The following CCDC158 variants were observed in gnomAD, a reference collection of about 807,000 sequenced individuals.
The protein encoded by CCDC158 is coiled-coil domain containing 158, also known as coiled-coil domain-containing protein 158.
In CCDC158, 116 loss-of-function variants were observed where a neutral mutation model predicts 138.6. That is an observed-to-expected ratio of 0.84 (90% confidence interval 0.72 to 0.98). CCDC158 has a LOEUF of 0.98. Among genes scored for constraint, CCDC158 ranks in the 50% least tolerant of loss-of-function variants. The pLI is 0.00. For missense variants in CCDC158, 1,265 were observed against 1,306.1 expected, an observed-to-expected ratio of 0.97 and a Z score of 0.48; for synonymous variants, 436 against 442.4, an observed-to-expected ratio of 0.99 and a Z score of 0.18.
At chr4:76,368,528 T>C (rs902108887) in intron 11 of CCDC158, among the ~76,000 whole-genome samples, 1 of 152,162 alleles carries the variant, frequency 6.6e-6, no homozygotes, top group African/African-American at 2.4e-5. Flanking sequence ...GCTTACACTT[T>C]TGTGGGATGC....
Position 76,368,435 on chromosome 4 carries a change from A to G in CCDC158, c.1348-659T>C, listed in dbSNP as rs754974704. On this transcript the variant is annotated intron_variant, in intron 11 of 24. Transcript: ENST00000682701. ...GGTCCTTTCATCTTTCTTCTTGCCC[A>G]GGTTAAGCCAGAGAGTAGGTTAATG... Among the ~76,000 whole-genome samples the G allele has an allele frequency of 4.5e-4, 68 of 152,314 alleles. 1 individual carries two copies. The highest frequency in any genetic ancestry group is 7.5e-4 in the Non-Finnish European group (51 of 68,026).
chr4:76,396,734 G>A (rs903987377), intron 3 of CCDC158, among the ~76,000 whole-genome samples: 4 of 151,880 alleles, frequency 2.6e-5, no homozygotes, highest in Admixed American at 1.3e-4. Flanking sequence ...GTGAAACCAT[G>A]GTCTGGTCTC....
At chr4:76,411,015 A>T (rs13435774) in intron 2 of CCDC158, among the ~76,000 whole-genome samples, 4 of 152,210 alleles carry the variant, frequency 2.6e-5, no homozygotes, top group African/African-American at 9.7e-5. Flanking sequence ...ACTCACGTGC[A>T]GGCCTTCCTA....
At chr4:76,322,590 C>T (rs1720126803) in intron 24 of CCDC158, among the ~76,000 whole-genome samples, 1 of 152,064 alleles carries the variant, frequency 6.6e-6, no homozygotes, top group African/African-American at 2.4e-5. Flanking sequence ...TAGTATTTTC[C>T]TTTACCCAGC....
rs1268962101 is a variant in CCDC158, at chr4:76,319,128, C to T, written c.3277+4174G>A. On this transcript the variant is annotated intron_variant, in intron 24 of 24. Coordinates refer to ENST00000682701, the MANE Select transcript of CCDC158 (RefSeq NM_001394954.1). ...TCTATTAAAAATGCAAAAAATTAGC[C>T]AGGCGTGCTGGTGGGCGCCTGTAGT... Among the ~76,000 whole-genome samples the T allele has an allele frequency of 1.1e-4, 17 of 152,090 alleles. No individual in the cohort carries two copies. The East Asian group carries it at 3.3e-3, about 29-fold the overall frequency.
chr4:76,374,911 C>T (rs1725575137), intron 9 of CCDC158, among the ~76,000 whole-genome samples: 1 of 152,036 alleles, frequency 6.6e-6, no homozygotes, highest in South Asian at 2.1e-4. Flanking sequence ...ATCTTTCCAT[C>T]TGTCTATTAA....
At position 76,328,906 on chromosome 4, in the gene CCDC158, A is replaced by G; in HGVS notation, c.3004T>C (p.Ser1002Pro). 1.2e-6 allele frequency: 2 copies of G among 1,613,552 alleles called. No homozygotes were observed. The highest frequency in any genetic ancestry group is 1.7e-6 in the Non-Finnish European group (2 of 1,179,476). ...EDPSGCFTFTSAASPSVKNSA... is the reference protein window; with the variant it reads ...EDPSGCFTFTPAASPSVKNSA... ...GCTTTCATTGGAAACTCACCTGCAG[A>G]TGTGAATGTGAAGCAACCAGAGGGA... Residue 1002 changes from serine to proline, a missense_variant, in exon 22 of 25, where the codon TCT becomes CCT. By Grantham distance (74) the Ser-to-Pro change is moderately conservative (BLOSUM62 -1). Transcript: ENST00000682701.
chr4:76,337,994 A>G (rs1375002618), intron 18 of CCDC158, among the ~76,000 whole-genome samples: 2 of 152,148 alleles, frequency 1.3e-5, no homozygotes, highest in African/African-American at 4.8e-5. Context: ...GTGAAGCTTC[A>G]TCTGTCTTTA....
At chr4:76,408,948 T>C (rs1044514405) in intron 2 of CCDC158, among the ~76,000 whole-genome samples, 4 of 152,206 alleles carry the variant, frequency 2.6e-5, no homozygotes, top group African/African-American at 9.6e-5. Context: ...ATGATGAGCA[T>C]TTTTTCACGT....
intron 4 of CCDC158, among the ~76,000 whole-genome samples, chr4:76,394,885 T>C (rs1037666826): frequency 5.3e-5 from 8 of 151,968 alleles, no homozygotes; most frequent in Non-Finnish European, 7.4e-5. Flanking sequence ...TAAGAGAAAC[T>C]AATCTAGACT....
intron 12 of CCDC158, among the ~76,000 whole-genome samples, chr4:76,366,952 C>A (rs1724732727): frequency 6.6e-6 from 1 of 151,942 alleles, no homozygotes; most frequent in African/African-American, 2.4e-5. Context: ...GCAAACAGTC[C>A]AATGTTTCAC....
At chr4:76,321,837 T>C (rs1036034224) in intron 24 of CCDC158, among the ~76,000 whole-genome samples, 8 of 149,526 alleles carry the variant, frequency 5.4e-5, no homozygotes, top group Non-Finnish European at 1.0e-4. Context: ...TAAAAAGGAA[T>C]AAAATAATGG....
intron 13 of CCDC158, among the ~76,000 whole-genome samples, chr4:76,359,096 TTCTCTCTC>T (rs35311653): frequency 6.7e-6 from 1 of 149,208 alleles, no homozygotes; most frequent in Non-Finnish European, 1.5e-5. Flanking sequence ...CACCTCCCTC[TTCTCTCTC>T]TCTCTCTCTC....
intron 4 of CCDC158, among the ~76,000 whole-genome samples, chr4:76,388,476 G>A (rs528975004): frequency 7.9e-5 from 12 of 152,312 alleles, no homozygotes; most frequent in Admixed American, 7.8e-4. Context: ...TAGTGGTGGT[G>A]GTAGCCACAG....
At chr4:76,335,029 G>A (rs147066673) in intron 18 of CCDC158, among the ~76,000 whole-genome samples, 2 of 152,272 alleles carry the variant, frequency 1.3e-5, no homozygotes, top group African/African-American at 4.8e-5. Flanking sequence ...GAAGATATGA[G>A]AGTTCCAACT....
chr4:76,321,961 C>T (rs1355988445), intron 24 of CCDC158, among the ~76,000 whole-genome samples: 2 of 151,120 alleles, frequency 1.3e-5, no homozygotes, highest in African/African-American at 4.9e-5. Context: ...GCTATGAGGA[C>T]GCAAAGGCAT....
chr4:76,375,061 A>T (rs1340513296), intron 9 of CCDC158: 1 of 152,600 alleles, frequency 6.6e-6, no homozygotes, highest in Non-Finnish European at 1.5e-5. Context: ...AGATAAATAG[A>T]GAGTGAAAGG....
intron 21 of CCDC158, among the ~76,000 whole-genome samples, chr4:76,329,354 C>T (rs10001396): frequency 2.6e-5 from 4 of 151,938 alleles, no homozygotes; most frequent in South Asian, 2.1e-4. Context: ...CGGAGGCTGA[C>T]GCAGGTGGAT....
chr4:76,414,814 G>GT (rs2109921992), intron 1 of CCDC158, among the ~76,000 whole-genome samples: 1 of 152,326 alleles, frequency 6.6e-6, no homozygotes, highest in South Asian at 2.1e-4. Flanking sequence ...GTGTGGAACT[G>GT]TAAGTCCAAT....
Sources: allele counts gnomAD v4.1 joint callset (sites outside exome capture counted in the v4.1 genomes callset), GRCh38; gene constraint gnomAD v4.1.1; transcripts MANE v1.5; gene names NCBI Gene and HGNC (gene_info 2026-07-23, HGNC 2026-07-21).